DOCK5: variants seen among roughly 807,000 people sequenced by gnomAD.
The protein encoded by DOCK5 is dedicator of cytokinesis 5.
Under a neutral mutation model 251.8 loss-of-function variants are expected in DOCK5, and 142 were observed. The observed-to-expected ratio is 0.56, with a 90% CI of 0.49 to 0.65. DOCK5 has a LOEUF of 0.65. DOCK5 is among the 30% of genes least tolerant of loss of function. The probability of loss-of-function intolerance (pLI) is 0.00; values close to 1 mark genes in which losing one functional copy is unlikely to be tolerated. For synonymous variants in DOCK5, 842 were observed against 835.5 expected, an observed-to-expected ratio of 1.01 and a Z score of -0.13; for missense variants, 2,111 against 2,312.3, an observed-to-expected ratio of 0.91 and a Z score of 1.79.
chr8:25,394,847 T>A (rs1801318168), intron 44 of DOCK5, among the ~76,000 whole-genome samples: 1 of 152,038 alleles, frequency 6.6e-6, no homozygotes, highest in South Asian at 2.1e-4. Context: ...TTCCAAAAAA[T>A]TGTGGTGTCC....
intron 2 of DOCK5, among the ~76,000 whole-genome samples, chr8:25,264,090 C>T (rs923830605): frequency 2.0e-5 from 3 of 151,886 alleles, no homozygotes; most frequent in Non-Finnish European, 4.4e-5. Flanking sequence ...CGTCTGGGTG[C>T]GGTGGCTCAT....
At chr8:25,256,610 G>A (rs1301289846) in intron 2 of DOCK5, among the ~76,000 whole-genome samples, 2 of 141,198 alleles carry the variant, frequency 1.4e-5, no homozygotes, top group African/African-American at 5.5e-5. Context: ...CTGCACTGCA[G>A]CCTGGTCGAC....
chr8:25,310,414 G>T lies in DOCK5; in HGVS notation c.1200G>T (p.Trp400Cys). The change falls in exon 13 of 52, where the codon TGG becomes TGT. Residue 400 changes from tryptophan to cysteine, a missense_variant. Trp to Cys is a radical substitution (Grantham distance 215). Transcript: ENST00000276440. ...KEVNHKGQGL[W>C]VSLKLLPGDL... ...TCTTTTATTTCTTTTAAGGCCTTTG[G>T]GTATCCTTGAAGCTCTTGCCCGGTG... 6.2e-7 allele frequency: 1 copy of T among 1,609,776 alleles called. No homozygotes were observed. The highest frequency in any genetic ancestry group is 8.5e-7 in the Non-Finnish European group (1 of 1,178,700).
intron 1 of DOCK5, among the ~76,000 whole-genome samples, chr8:25,226,832 G>A (rs1232572752): frequency 5.9e-5 from 9 of 152,228 alleles, no homozygotes; most frequent in Middle Eastern, 3.4e-3. Context: ...TGATCCACCC[G>A]TCTTGGCCTC....
rs1488865894 is a variant in DOCK5 at position 25,310,310 on chromosome 8, G to T, written c.1193-97G>T. ...GGAGAATTTACATCTTTACAGTAAG[G>T]TTGTGACTATACAACTCAAATGTTC... On this transcript the variant is annotated intron_variant, in intron 12 of 51. Coordinates refer to ENST00000276440, the MANE Select transcript of DOCK5 (RefSeq NM_024940.8). The T allele has an allele frequency of 1.2e-5, 15 of 1,276,662 alleles. 1 individual carries two copies. The highest frequency in any genetic ancestry group is 1.4e-5 in the Non-Finnish European group (13 of 948,796). The allele number at this position is 1,276,662 out of a possible 1,614,324, so 79.1% of individuals were successfully genotyped here.
intron 27 of DOCK5, 90 bp downstream of exon 27, chr8:25,351,916 C>A: frequency 1.1e-6 from 1 of 908,920 alleles, no homozygotes; most frequent in Non-Finnish European, 1.7e-6. Context: ...TGGCTTGAGA[C>A]TATTCTTCAC....
chr8:25,332,385 C>G, intron 19 of DOCK5, 37 bp downstream of exon 19: 1 of 1,502,002 alleles, frequency 6.7e-7, no homozygotes, highest in Non-Finnish European at 9.2e-7. Context: ...ATACACATAC[C>G]TACATATATA....
chr8:25,239,329 G>GTGTGTGTGTA (rs1554521868), intron 1 of DOCK5, among the ~76,000 whole-genome samples: 49 of 131,880 alleles, frequency 3.7e-4, no homozygotes, highest in African/African-American at 1.5e-3. Flanking sequence ...ATGTGTGTGT[G>GTGTGTGTGTA]TGTGTGTGTG....
chr8:25,393,650 T>C (rs780702960), intron 44 of DOCK5, among the ~76,000 whole-genome samples: 8 of 152,064 alleles, frequency 5.3e-5, no homozygotes, highest in Non-Finnish European at 1.0e-4. Context: ...CCTAACTAAC[T>C]CCCATCAAGG....
chr8:25,259,523 A>G (rs1803514075), intron 2 of DOCK5, among the ~76,000 whole-genome samples: 2 of 152,192 alleles, frequency 1.3e-5, no homozygotes, highest in African/African-American at 4.8e-5. Context: ...TGGCACCATC[A>G]TGACTTACTG....
chr8:25,278,349 C>T lies in DOCK5; in HGVS notation c.225-220C>T, dbSNP rs191845786. Among the ~76,000 whole-genome samples the T allele has an allele frequency of 3.8e-3, 584 of 152,328 alleles. 7 individuals carry two copies. The highest frequency in any genetic ancestry group is 0.01 in the South Asian group (50 of 4,834). On this transcript the variant is annotated intron_variant, in intron 4 of 51. Coordinates refer to ENST00000276440, the MANE Select transcript of DOCK5 (RefSeq NM_024940.8). ...GGAGGTCGAGGCTGGGCCGCAGGCTCATTCAGTTGCAGGAACGGAGCCCAT... is the reference window on the plus strand; with the variant it reads ...GGAGGTCGAGGCTGGGCCGCAGGCTTATTCAGTTGCAGGAACGGAGCCCAT...
intron 38 of DOCK5, among the ~76,000 whole-genome samples, chr8:25,379,763 C>T (rs1801030840): frequency 6.6e-6 from 1 of 152,088 alleles, no homozygotes; most frequent in Admixed American, 6.5e-5. Flanking sequence ...CAGCCGGTCC[C>T]TCCATTCGGG....
chr8:25,392,256 G>A (rs6994859), intron 43 of DOCK5, among the ~76,000 whole-genome samples: 52,503 of 150,628 alleles, frequency 0.35, 9,244 homozygotes, highest in Non-Finnish European at 0.36. Context: ...GTGAGCTGAG[G>A]TCGCACCACT....
intron 38 of DOCK5, among the ~76,000 whole-genome samples, chr8:25,378,599 G>A (rs116679534): frequency 0.013 from 1,929 of 152,278 alleles, 44 homozygotes; most frequent in African/African-American, 0.044. Context: ...AATAGTATCC[G>A]TCTAAGAGAC....
intron 5 of DOCK5, among the ~76,000 whole-genome samples, chr8:25,283,670 G>T (rs1210659989): frequency 6.6e-6 from 1 of 152,058 alleles, no homozygotes; most frequent in Non-Finnish European, 1.5e-5. Flanking sequence ...GCTCCCTTCT[G>T]TATGGCCCCT....
At chr8:25,266,963 T>A (rs1803771010) in intron 2 of DOCK5, among the ~76,000 whole-genome samples, 1 of 152,196 alleles carries the variant, frequency 6.6e-6, no homozygotes, top group South Asian at 2.1e-4. Flanking sequence ...ATGAAGTTTG[T>A]ATTGTGACAG....
chr8:25,311,151 A>T (rs989340827), intron 13 of DOCK5, among the ~76,000 whole-genome samples: 1 of 152,172 alleles, frequency 6.6e-6, no homozygotes, highest in Admixed American at 6.5e-5. Context: ...GACTTCGCCC[A>T]TTTAATTTTA....
chr8:25,272,950 G>A (rs931303956), intron 3 of DOCK5, among the ~76,000 whole-genome samples: 3 of 152,084 alleles, frequency 2.0e-5, no homozygotes, highest in African/African-American at 4.8e-5. Context: ...AAGTGGAGCC[G>A]TACAGTATTT....
intron 6 of DOCK5, 103 bp downstream of exon 6, chr8:25,292,275 A>C: frequency 7.8e-7 from 1 of 1,278,000 alleles, no homozygotes; most frequent in Non-Finnish European, 1.0e-6. Flanking sequence ...AGAGTTGCCA[A>C]AGAATAATGC....
Sources: allele counts gnomAD v4.1 joint callset (sites outside exome capture counted in the v4.1 genomes callset), GRCh38; gene constraint gnomAD v4.1.1; transcripts MANE v1.5; gene names NCBI Gene and HGNC (gene_info 2026-07-23, HGNC 2026-07-21).